GPR39: variants seen among roughly 807,000 people sequenced by gnomAD.
GPR39 encodes the protein G protein-coupled receptor 39.
GPR39 carries 23 observed loss-of-function variants against 18.4 expected under a neutral mutation model. The ratio of observed to expected loss-of-function variants is 1.25; its 90% confidence interval spans 0.90 to 1.77. GPR39 has a LOEUF of 1.77. Ranked by LOEUF, GPR39 falls within the 40% of genes most tolerant of loss-of-function variation. The pLI is 0.00. For synonymous variants in GPR39, 280 were observed against 257.9 expected (o/e 1.09, Z -0.82); for missense variants, 647 against 602.4 (o/e 1.07, Z -0.78).
intron 1 of GPR39, among the ~76,000 whole-genome samples, chr2:132,573,850 A>T (rs930474030): frequency 1.3e-5 from 2 of 152,190 alleles, no homozygotes; most frequent in African/African-American, 4.8e-5. Context: ...CAAGCAGAAT[A>T]AGCAAAGCCT....
chr2:132,569,521 G>A (rs1212759805), intron 1 of GPR39, among the ~76,000 whole-genome samples: 1 of 151,904 alleles, frequency 6.6e-6, no homozygotes, highest in African/African-American at 2.4e-5. Context: ...GTGGTGGGGA[G>A]GGGGGCTGTG....
chr2:132,494,237 G>C (rs1681595255), intron 1 of GPR39, among the ~76,000 whole-genome samples: 2 of 152,156 alleles, frequency 1.3e-5, no homozygotes, highest in African/African-American at 4.8e-5. Context: ...AATGGTCCAA[G>C]GCGTAATATG....
intron 1 of GPR39, among the ~76,000 whole-genome samples, chr2:132,454,831 C>T (rs777604514): frequency 4.6e-5 from 7 of 152,058 alleles, no homozygotes; most frequent in East Asian, 1.9e-4. Context: ...GGGATGAAGC[C>T]GACTTGATCA....
chr2:132,633,338 CTGTGTGTGTGTGTGTGTGTGTGTGTG>C (rs55722602), intron 1 of GPR39, among the ~76,000 whole-genome samples: 77 of 139,200 alleles, frequency 5.5e-4, no homozygotes, highest in African/African-American at 1.6e-3. Context: ...CCAAATACCT[CTGTGTGTGTGTGTGTGTGTGTGTGTG>C]TGTGTGTGTG....
At position 132,585,948 on chromosome 2, in the gene GPR39, G is replaced by GTTTTTTTT. The variant is rs397985921; in HGVS notation, c.857-59136_857-59129dup. Among the ~76,000 whole-genome samples the GTTTTTTTT allele has an allele frequency of 1.5e-3, 97 of 62,948 alleles. 4 individuals are homozygous for GTTTTTTTT. The highest frequency in any genetic ancestry group is 3.1e-3 in the African/African-American group (42 of 13,692). The allele number at this position is 62,948 out of a possible 152,430, so 41.3% of individuals were successfully genotyped here. On this transcript the variant is annotated intron_variant, in intron 1 of 1. Transcript: ENST00000329321. The stretch of plus-strand genomic sequence containing the variant: ...GATCGGGCTTCTCGAAGCATCCCCG[G>GTTTTTTTT]TTTTTTTTTTTTTTTTTTTTTTTTA...
At chr2:132,484,479 C>G (rs1279255071) in intron 1 of GPR39, among the ~76,000 whole-genome samples, 1 of 152,202 alleles carries the variant, frequency 6.6e-6, no homozygotes, top group South Asian at 2.1e-4. Context: ...ATTAGGTGAA[C>G]TTGGCCATTA....
At chr2:132,487,986 A>G (rs1164607448) in intron 1 of GPR39, among the ~76,000 whole-genome samples, 3 of 152,234 alleles carry the variant, frequency 2.0e-5, no homozygotes, top group Non-Finnish European at 4.4e-5. Context: ...TGAAATTGTA[A>G]TGCCAAAGAC....
chr2:132,494,403 T>G (rs577215064), intron 1 of GPR39, among the ~76,000 whole-genome samples: 65 of 152,304 alleles, frequency 4.3e-4, no homozygotes, highest in African/African-American at 1.4e-3. Context: ...GCTGCCTTGT[T>G]CCTTCTGTTT....
intron 1 of GPR39, among the ~76,000 whole-genome samples, chr2:132,482,812 T>C (rs528705009): frequency 6.6e-6 from 1 of 152,366 alleles, no homozygotes; most frequent in East Asian, 1.9e-4. Flanking sequence ...ACAATGTCTG[T>C]TTCTCCACCA....
chr2:132,645,598 G>C lies in GPR39; in HGVS notation c.1354G>C (p.Glu452Gln). 1 of 1,610,728 alleles carries C rather than the reference G, an allele frequency of 6.2e-7. No homozygotes were observed. Among genetic ancestry groups the C allele is most frequent in the Non-Finnish European group, 8.5e-7 (1 of 1,178,458 alleles). The part of the protein sequence containing the change: ...SAAENGFQEH[E>Q]V ...TGCAGAGAATGGTTTTCAGGAGCAT[G>C]AAGTTTGAATGTCAAGCGAGGGAGC... The change falls in exon 2 of 2, where the codon GAA becomes CAA. Residue 452 changes from glutamate to glutamine, a missense_variant. Coordinates refer to ENST00000329321, the MANE Select transcript of GPR39 (RefSeq NM_001508.3).
At chr2:132,420,269 C>A (rs909129817) in intron 1 of GPR39, among the ~76,000 whole-genome samples, 19 of 152,206 alleles carry the variant, frequency 1.2e-4, no homozygotes, top group Admixed American at 1.2e-3. Context: ...GTTTTCAAAG[C>A]AGTTCTCGCA....
At chr2:132,463,143 C>T (rs930665285) in intron 1 of GPR39, among the ~76,000 whole-genome samples, 6 of 152,196 alleles carry the variant, frequency 3.9e-5, no homozygotes, top group African/African-American at 1.4e-4. Flanking sequence ...ACCTTAGGAG[C>T]TGGGGCTTAG....
chr2:132,591,084 T>A (rs1253582718), intron 1 of GPR39, among the ~76,000 whole-genome samples: 4 of 149,570 alleles, frequency 2.7e-5, no homozygotes, highest in African/African-American at 9.9e-5. Flanking sequence ...ACCCCGTCTC[T>A]ACTAAAAATA....
intron 1 of GPR39, among the ~76,000 whole-genome samples, chr2:132,428,881 T>C (rs1475967801): frequency 2.0e-5 from 3 of 152,206 alleles, no homozygotes; most frequent in Non-Finnish European, 4.4e-5. Flanking sequence ...TAAATCTGGC[T>C]CCAAGCTCTC....
chr2:132,454,694 GT>G lies in GPR39; in HGVS notation c.856+36798del, dbSNP rs555862623. 1.6e-3 allele frequency among the ~76,000 whole-genome samples: 243 copies of G among 152,250 alleles called. 1 individual carries two copies. Among genetic ancestry groups the G allele is most frequent in the African/African-American group, 5.4e-3 (226 of 41,540 alleles). ...TTATTGAGAGTTTTTAGCATGATGGGTTGTTGAATTTTGTCAAAGGCCTTTT... is the reference window on the plus strand; with the variant it reads ...TTATTGAGAGTTTTTAGCATGATGGGTGTTGAATTTTGTCAAAGGCCTTTT... On this transcript the variant is annotated intron_variant, in intron 1 of 1. Coordinates refer to ENST00000329321, the MANE Select transcript of GPR39 (RefSeq NM_001508.3).
At chr2:132,493,466 T>TAC (rs1342444063) in intron 1 of GPR39, among the ~76,000 whole-genome samples, 2 of 136,824 alleles carry the variant, frequency 1.5e-5, no homozygotes, top group African/African-American at 6.2e-5. Context: ...CATATATATA[T>TAC]ACACCATATA....
chr2:132,447,107 G>A (rs1017558761), intron 1 of GPR39, among the ~76,000 whole-genome samples: 15 of 152,072 alleles, frequency 9.9e-5, no homozygotes, highest in Non-Finnish European at 1.8e-4. Flanking sequence ...TCTGAGTAGC[G>A]GGCCTGTTGC....
intron 1 of GPR39, among the ~76,000 whole-genome samples, chr2:132,624,523 C>T (rs1040881557): frequency 2.0e-5 from 3 of 152,210 alleles, no homozygotes; most frequent in Admixed American, 6.5e-5. Flanking sequence ...ATGTTTATAG[C>T]TTGAACATAC....
At chr2:132,636,554 G>C (rs1558866711) in intron 1 of GPR39, among the ~76,000 whole-genome samples, 2 of 152,204 alleles carry the variant, frequency 1.3e-5, no homozygotes, top group Non-Finnish European at 2.9e-5. Context: ...ACTCTAAAGG[G>C]AGCTGGGCCA....
Sources: allele counts gnomAD v4.1 joint callset (sites outside exome capture counted in the v4.1 genomes callset), GRCh38; gene constraint gnomAD v4.1.1; transcripts MANE v1.5; gene names NCBI Gene and HGNC (gene_info 2026-07-23, HGNC 2026-07-21).